Variants in ROS1 observed in about 807,000 individuals in gnomAD.
ROS1 encodes the protein proto-oncogene tyrosine-protein kinase ROS.
ROS1 carries 263 observed loss-of-function variants against 273.5 expected under a neutral mutation model. That is an observed-to-expected ratio of 0.96 (90% CI 0.87 to 1.06). The LOEUF is 1.06. Ranked by LOEUF, ROS1 falls within the 50% of genes least tolerant of loss-of-function variation. ROS1 has a pLI of 0.00. For synonymous variants in ROS1, 1,008 were observed against 954.1 expected, an observed-to-expected ratio of 1.06 and a Z score of -1.04; for missense variants, 2,833 against 2,751.1, an observed-to-expected ratio of 1.03 and a Z score of -0.67.
chr6:117,373,030 T>C (rs1020840291), intron 18 of ROS1, among the ~76,000 whole-genome samples: 3 of 152,212 alleles, frequency 2.0e-5, no homozygotes, highest in African/African-American at 4.8e-5. Flanking sequence ...AGAGTGCTGA[T>C]TGGTGTATTT....
Position 117,323,259 on chromosome 6 carries a change from G to C in ROS1, c.5623+1073C>G, listed in dbSNP as rs757464874. ...GAATCTTTGAAAAAAATCTCAAATCGAGCTTCAAAGTGCTCTCATAAAGAT... is the reference window on the plus strand; with the variant it reads ...GAATCTTTGAAAAAAATCTCAAATCCAGCTTCAAAGTGCTCTCATAAAGAT... On this transcript the variant is annotated intron_variant, in intron 35 of 43. Transcript: ENST00000368507. 2.6e-5 allele frequency among the ~76,000 whole-genome samples: 4 copies of C among 152,030 alleles called. No homozygotes were observed. In the South Asian group the frequency reaches 6.2e-4, roughly 24 times the overall value.
At chr6:117,422,716 T>C (rs1010431982) in intron 1 of ROS1, among the ~76,000 whole-genome samples, 4 of 152,172 alleles carry the variant, frequency 2.6e-5, no homozygotes, top group Non-Finnish European at 5.9e-5. Context: ...AAATCAAAAA[T>C]AAATGTATTG....
intron 13 of ROS1, among the ~76,000 whole-genome samples, chr6:117,389,076 T>C (rs1309028523): frequency 6.6e-6 from 1 of 152,250 alleles, no homozygotes; most frequent in Non-Finnish European, 1.5e-5. Context: ...CTATTTGTTC[T>C]GACTAGAATG....
At chr6:117,390,529 C>T (rs910822369) in intron 12 of ROS1, among the ~76,000 whole-genome samples, 3 of 152,172 alleles carry the variant, frequency 2.0e-5, no homozygotes, top group Non-Finnish European at 4.4e-5. Flanking sequence ...AAACACACAT[C>T]CTTAAGTCTA....
chr6:117,377,985 T>C (rs9401000), intron 18 of ROS1, among the ~76,000 whole-genome samples: 86,669 of 151,964 alleles, frequency 0.57, 25,400 homozygotes, highest in African/African-American at 0.7. Context: ...ATTTACTGCT[T>C]CCCACACCAA....
Position 117,365,652 on chromosome 6 carries a change from G to C in ROS1, c.2887C>G (p.Leu963Val), listed in dbSNP as rs2128660707. ...TCTACCGCAGGGGGACCATTCCACA[G>C]GATTTGAAAACTTGAAGCATTTCCT... is the stretch of plus-strand genomic sequence containing the variant. ...IEGNASSFQI[L>V]WNGPPAVDWG... Residue 963 changes from leucine to valine, a missense_variant, in exon 20 of 44, where the codon CTG becomes GTG. Transcript: ENST00000368507. The C allele has an allele frequency of 6.2e-7, 1 of 1,612,738 alleles. No homozygotes were observed. Among genetic ancestry groups the C allele is most frequent in the Non-Finnish European group, 8.5e-7 (1 of 1,179,188 alleles).
chr6:117,384,797 C>G (rs1030004373), intron 16 of ROS1, among the ~76,000 whole-genome samples: 1 of 152,146 alleles, frequency 6.6e-6, no homozygotes, highest in Non-Finnish European at 1.5e-5. Context: ...TGGGGAGGTT[C>G]AGCCAATGGA....
Position 117,389,485 on chromosome 6 carries a change from AC to A in ROS1, c.1650del (p.Phe551LeufsTer43), listed in dbSNP as rs778433031. ...GAGCCAAAGATGACCAAGTTACCAA[AC>A]CCAAATTCTTCTATGTGACTCAGGT... ...GCDLSHIEEF[G>X]FGNLVIFGSS... On this transcript the variant is annotated frameshift_variant, in exon 13 of 44. Transcript: ENST00000368507. LOFTEE classifies it high-confidence loss of function. The A allele has an allele frequency of 6.2e-7, 1 of 1,613,984 alleles. No individual in the cohort carries two copies. Among genetic ancestry groups the A allele is most frequent in the East Asian group, 2.2e-5 (1 of 44,878 alleles).
intron 43 of ROS1, among the ~76,000 whole-genome samples, chr6:117,296,006 G>A (rs1774212967): frequency 6.6e-6 from 1 of 152,078 alleles, no homozygotes. Flanking sequence ...CCAAAAGAAA[G>A]GAAATCAGTA....
intron 32 of ROS1, among the ~76,000 whole-genome samples, chr6:117,330,981 G>A (rs138702423): frequency 1.9e-4 from 29 of 152,246 alleles, no homozygotes; most frequent in Non-Finnish European, 2.2e-4. Context: ...AGAACTGGGC[G>A]GAGGATCAGA....
At chr6:117,292,297 C>T (rs1773898503) in intron 43 of ROS1, among the ~76,000 whole-genome samples, 1 of 152,124 alleles carries the variant, frequency 6.6e-6, no homozygotes, top group South Asian at 2.1e-4. Flanking sequence ...TGTATCTTTG[C>T]ACATTAGAAG....
chr6:117,397,196 GTT>G (rs199816916), intron 7 of ROS1, 80 bp from the exon 8 acceptor site: 6 of 727,158 alleles, frequency 8.3e-6, no homozygotes, highest in South Asian at 2.2e-5. Flanking sequence ...AAAAAGTCTT[GTT>G]TTTTTTTTTG....
chr6:117,328,846 A>G (rs757957618), intron 33 of ROS1: 7 of 613,018 alleles, frequency 1.1e-5, no homozygotes, highest in South Asian at 5.5e-5. Flanking sequence ...AATCTTCCCA[A>G]TGAATACAGA....
chr6:117,301,015 T>C lies in ROS1; in HGVS notation c.6674A>G (p.Asp2225Gly). 6.2e-7 allele frequency: 1 copy of C among 1,601,256 alleles called. No individual in the cohort carries two copies. The highest frequency in any genetic ancestry group is 8.5e-7 in the Non-Finnish European group (1 of 1,175,220). Reference protein sequence around the residue: ...FFLNSIYKSRDEANNSGVINE... With the variant: ...FFLNSIYKSRGEANNSGVINE... Reference sequence around the variant, plus strand: ...TATGACTCCACTGTTGTTTGCTTCATCTCTGGACTTATAAATGCTATTTAA... The same window carrying C: ...TATGACTCCACTGTTGTTTGCTTCACCTCTGGACTTATAAATGCTATTTAA... Residue 2225 changes from aspartate to glycine, a missense_variant, in exon 43 of 44, where the codon GAT becomes GGT. Asp to Gly is a moderately conservative substitution (Grantham distance 94, BLOSUM62 -1). Transcript: ENST00000368507.
At chr6:117,417,720 T>G (rs141207907) in intron 2 of ROS1, among the ~76,000 whole-genome samples, 8 of 152,348 alleles carry the variant, frequency 5.3e-5, no homozygotes, top group Non-Finnish European at 1.0e-4. Flanking sequence ...CTCAGTTTCC[T>G]TAACAACTTA....
At chr6:117,331,510 C>T (rs1178543775) in intron 32 of ROS1, among the ~76,000 whole-genome samples, 5 of 152,066 alleles carry the variant, frequency 3.3e-5, no homozygotes, top group African/African-American at 1.2e-4. Flanking sequence ...AGATACTCCA[C>T]GAGAAGATCA....
chr6:117,349,649 T>C (rs1778651284), intron 27 of ROS1, among the ~76,000 whole-genome samples: 1 of 152,100 alleles, frequency 6.6e-6, no homozygotes, highest in African/African-American at 2.4e-5. Flanking sequence ...GTTCCTACTT[T>C]TGTCTTCCAC....
At chr6:117,373,940 A>G (rs966807082) in intron 18 of ROS1, among the ~76,000 whole-genome samples, 3 of 152,268 alleles carry the variant, frequency 2.0e-5, no homozygotes, top group Non-Finnish European at 4.4e-5. Flanking sequence ...GTACCTAAGA[A>G]GATAAAAGAC....
intron 18 of ROS1, among the ~76,000 whole-genome samples, chr6:117,366,863 G>A (rs907240585): frequency 7.2e-5 from 11 of 152,118 alleles, no homozygotes; most frequent in African/African-American, 2.7e-4. Context: ...GTTTAGATAG[G>A]TTGCAGCTTT....
Sources: gnomAD v4.1 joint callset for allele counts (sites outside exome capture counted in the v4.1 genomes callset) on GRCh38, gnomAD v4.1.1 for gene constraint, MANE v1.5 for transcripts, NCBI Gene and HGNC (gene_info 2026-07-23, HGNC 2026-07-21) for gene names.